DSCAML1: variants seen among roughly 807,000 people sequenced by gnomAD.
The protein encoded by DSCAML1 is DS cell adhesion molecule like 1.
A neutral mutation model predicts 200.5 loss-of-function variants in DSCAML1; 38 were observed. The observed-to-expected ratio is 0.19, with a 90% CI of 0.15 to 0.25. The LOEUF is 0.25. Ranked by LOEUF, DSCAML1 falls within the 10% of genes least tolerant of loss-of-function variation. The pLI, the probability that DSCAML1 is intolerant of heterozygous loss-of-function variation, is 1.00. For synonymous variants in DSCAML1, 1,215 were observed against 1,165.0 expected, an observed-to-expected ratio of 1.04 and a Z score of -0.87; for missense variants, 2,223 against 2,858.8, an observed-to-expected ratio of 0.78 and a Z score of 5.07.
chr11:117,471,786 T>C, intron 15 of DSCAML1, 83 bp downstream of exon 15: 1 of 1,490,420 alleles, frequency 6.7e-7, no homozygotes, highest in Non-Finnish European at 9.1e-7. Flanking sequence ...GCAAGCTCAT[T>C]GCCAGTGAAC....
intron 14 of DSCAML1, among the ~76,000 whole-genome samples, chr11:117,478,429 ACAGT>A (rs754706534): frequency 2.0e-5 from 3 of 152,110 alleles, no homozygotes; most frequent in Admixed American, 1.3e-4. Context: ...TGACATGGAC[ACAGT>A]CAGCCCTTTT....
chr11:117,687,612 T>C (rs2053425788), intron 3 of DSCAML1, among the ~76,000 whole-genome samples: 1 of 152,026 alleles, frequency 6.6e-6, no homozygotes, highest in Non-Finnish European at 1.5e-5. Context: ...TTTGTTTCAA[T>C]AATTATTTTT....
chr11:117,445,788 G>A (rs1437233150), intron 20 of DSCAML1, among the ~76,000 whole-genome samples: 1 of 152,140 alleles, frequency 6.6e-6, no homozygotes, highest in African/African-American at 2.4e-5. Flanking sequence ...AGAAAGTTTG[G>A]CCTCTTCTTG....
chr11:117,792,069 T>C (rs1231719357), intron 1 of DSCAML1, among the ~76,000 whole-genome samples: 1 of 152,252 alleles, frequency 6.6e-6, no homozygotes, highest in African/African-American at 2.4e-5. Flanking sequence ...TTTTTCATTC[T>C]ACTCCAATAT....
intron 1 of DSCAML1, among the ~76,000 whole-genome samples, chr11:117,789,863 C>A (rs948099): frequency 0.076 from 11,580 of 152,236 alleles, 552 homozygotes; most frequent in Middle Eastern, 0.14. Flanking sequence ...CAGGAATGGG[C>A]TGCCTTGCAA....
At chr11:117,636,567 G>A (rs1361386270) in intron 3 of DSCAML1, among the ~76,000 whole-genome samples, 2 of 152,226 alleles carry the variant, frequency 1.3e-5, no homozygotes, top group African/African-American at 2.4e-5. Flanking sequence ...CTCACTCCAC[G>A]AAGGAGAGGG....
rs146729370 is a variant in DSCAML1, at chr11:117,593,913, C to T, written c.512-61391G>A. Among the ~76,000 whole-genome samples, 465 of 152,110 alleles carry T rather than the reference C, an allele frequency of 3.1e-3. 3 individuals are homozygous for T. The highest frequency in any genetic ancestry group is 0.02 in the Middle Eastern group (6 of 294). ...TATTTTTAGTAGAGACGGTGTTTCA[C>T]CGTGTTAGCCAGGATGGTCTCGATC... On this transcript the variant is annotated intron_variant, in intron 3 of 32. Transcript: ENST00000651296.
chr11:117,483,307 A>C (rs1292537048), intron 11 of DSCAML1, among the ~76,000 whole-genome samples: 1 of 152,184 alleles, frequency 6.6e-6, no homozygotes, highest in Non-Finnish European at 1.5e-5. Flanking sequence ...GGAGGGGAAG[A>C]CAGATACCTG....
At chr11:117,644,170 C>T (rs957450121) in intron 3 of DSCAML1, among the ~76,000 whole-genome samples, 3 of 152,236 alleles carry the variant, frequency 2.0e-5, no homozygotes, top group Non-Finnish European at 4.4e-5. Flanking sequence ...CTTCCTCTCT[C>T]TCCAGAAAAA....
intron 8 of DSCAML1, among the ~76,000 whole-genome samples, chr11:117,506,152 G>A (rs537473835): frequency 6.6e-6 from 1 of 152,182 alleles, no homozygotes; most frequent in Non-Finnish European, 1.5e-5. Flanking sequence ...AAGAGGGGAA[G>A]CGTGGTGCTG....
rs1431658349 is a variant in DSCAML1 at position 117,437,359 on chromosome 11, G to T, written c.4483C>A (p.His1495Asn). 1 of 1,614,094 alleles carries T rather than the reference G, an allele frequency of 6.2e-7. No homozygotes were observed. The highest frequency in any genetic ancestry group is 1.3e-5 in the African/African-American group (1 of 74,938). Reference protein sequence around the residue: ...QHLFTHINSTHARLNLQGWNN... With the variant: ...QHLFTHINSTNARLNLQGWNN... ...CAGCCCTGCAGGTTAAGCCGAGCAT[G>T]CGTGGAGTTGATGTGGGTGAAGAGG... is the stretch of plus-strand genomic sequence containing the variant. The change falls in exon 26 of 33, where the codon CAT becomes AAT. Residue 1495 changes from histidine (H) to asparagine (N), a missense_variant. By Grantham distance (68) the His-to-Asn change is moderately conservative. This residue lies in a region of DSCAML1 where 614 missense variants were observed against 739.1 expected (regional missense o/e 0.83). Transcript: ENST00000651296. The surrounding 1 kb of genome is among the most constrained non-coding windows in gnomAD (Gnocchi z 5.3).
chr11:117,433,207 G>A lies in DSCAML1; in HGVS notation c.4957C>T (p.Pro1653Ser). ...DTPVKGPPQGPRLHIDIPRVQ... is the reference protein window; with the variant it reads ...DTPVKGPPQGSRLHIDIPRVQ... ...CTGGGGATGTCAATGTGTAGCCGTGGGCCCTGGGGTGGCCCTTTCACAGGG... is the reference window on the plus strand; with the variant it reads ...CTGGGGATGTCAATGTGTAGCCGTGAGCCCTGGGGTGGCCCTTTCACAGGG... Residue 1653 changes from proline to serine, a missense_variant, in exon 29 of 33, where the codon CCA becomes TCA. Coordinates refer to ENST00000651296, the MANE Select transcript of DSCAML1 (RefSeq NM_020693.4). 6.2e-7 allele frequency: 1 copy of A among 1,613,944 alleles called. No individual in the cohort carries two copies. Among genetic ancestry groups the A allele is most frequent in the South Asian group, 1.1e-5 (1 of 91,066 alleles).
chr11:117,747,629 A>G (rs1163978005), intron 3 of DSCAML1, among the ~76,000 whole-genome samples: 3 of 152,234 alleles, frequency 2.0e-5, no homozygotes, highest in African/African-American at 7.2e-5. Flanking sequence ...TGGCAGCCAG[A>G]AGAATGAGCT....
chr11:117,458,848 C>A lies in DSCAML1; in HGVS notation c.3474G>T (p.Glu1158Asp). ...CCTGGACGCTGTAGTTGGTGAACTT[C>A]TCCATGCCCCGCAGCTCCACCCGCT... ...TRERVELRGM[E>D]KFTNYSVQVL... The change falls in exon 19 of 33, where the codon GAG becomes GAT. Residue 1158 changes from glutamate to aspartate, a missense_variant. Glu to Asp is a conservative substitution (Grantham distance 45). Coordinates refer to ENST00000651296, the MANE Select transcript of DSCAML1 (RefSeq NM_020693.4). The A allele has an allele frequency of 6.2e-7, 1 of 1,614,084 alleles. No individual in the cohort carries two copies. The highest frequency in any genetic ancestry group is 8.5e-7 in the Non-Finnish European group (1 of 1,180,014).
At chr11:117,791,138 C>T (rs926433637) in intron 1 of DSCAML1, among the ~76,000 whole-genome samples, 9 of 152,148 alleles carry the variant, frequency 5.9e-5, no homozygotes, top group African/African-American at 2.2e-4. Flanking sequence ...TTTAACAAGG[C>T]ACACAGGCTG....
In DSCAML1 at chr11:117,509,962, T is replaced by C. The variant is rs2049585982; in HGVS notation, c.1784-4230A>G. 2.0e-5 allele frequency among the ~76,000 whole-genome samples: 3 copies of C among 152,206 alleles called. No homozygotes were observed. The South Asian group carries it at 6.2e-4, about 31-fold the overall frequency. ...CATGAATGCCTCACAACCCAGGGCTTTCTCCCCAGAAGCCCTGCTCTGGCC... is the reference window on the plus strand; with the variant it reads ...CATGAATGCCTCACAACCCAGGGCTCTCTCCCCAGAAGCCCTGCTCTGGCC... On this transcript the variant is annotated intron_variant, in intron 8 of 32. Transcript: ENST00000651296.
intron 3 of DSCAML1, among the ~76,000 whole-genome samples, chr11:117,548,621 G>A (rs1342307561): frequency 1.3e-5 from 2 of 152,188 alleles, no homozygotes; most frequent in Non-Finnish European, 2.9e-5. Flanking sequence ...TTCTTAAAGA[G>A]TGATATATCA....
chr11:117,730,497 T>C (rs1325227393), intron 3 of DSCAML1, among the ~76,000 whole-genome samples: 1 of 152,130 alleles, frequency 6.6e-6, no homozygotes, highest in Admixed American at 6.5e-5. Flanking sequence ...ACATTTGTGG[T>C]AATTTGTTAG....
At chr11:117,476,492 C>T (rs11216416) in intron 14 of DSCAML1, among the ~76,000 whole-genome samples, 15,456 of 152,244 alleles carry the variant, frequency 0.1, 903 homozygotes, top group East Asian at 0.19. Context: ...CTCCAGCTCC[C>T]ACAGAACACC....
Sources: gnomAD v4.1 joint callset for allele counts (sites outside exome capture counted in the v4.1 genomes callset) on GRCh38, gnomAD v4.1.1 for gene constraint, gnomAD v4.1.1 regional missense constraint, Gnocchi (gnomAD v3.1) non-coding constraint, MANE v1.5 for transcripts, NCBI Gene and HGNC (gene_info 2026-07-23, HGNC 2026-07-21) for gene names.